Variants in MYOM2 observed in about 807,000 individuals in gnomAD.
MYOM2 encodes the protein myomesin-2.
In MYOM2, 254 loss-of-function variants were observed where a neutral mutation model predicts 187.6. The observed-to-expected ratio is 1.35, with a 90% CI of 1.22 to 1.50. The LOEUF is 1.50. MYOM2 is among the 40% of genes most tolerant of loss of function. The probability of loss-of-function intolerance (pLI) is 0.00; values close to 1 mark genes in which losing one functional copy is unlikely to be tolerated. For missense variants in MYOM2, 2,796 were observed against 1,924.0 expected, an observed-to-expected ratio of 1.45 and a Z score of -8.48; for synonymous variants, 981 against 753.8, an observed-to-expected ratio of 1.30 and a Z score of -4.94.
intron 6 of MYOM2, among the ~76,000 whole-genome samples, chr8:2,067,890 C>G (rs1819069569): frequency 6.6e-6 from 1 of 152,100 alleles, no homozygotes. Context: ...GATGTAGCCT[C>G]TTATTAGCAT....
rs535600512 is a variant in MYOM2 at position 2,057,355 on chromosome 8, T to A, written c.271T>A (p.Ser91Thr). The change falls in exon 4 of 37, where the codon TCC becomes ACC. Residue 91 changes from serine to threonine, a missense_variant. Transcript: ENST00000262113. ...GCTTCTCGGCTCCTGCAGGTACCAGTCCCTGGTGGCCGCCTATGGTGAGGC... is the reference window on the plus strand; with the variant it reads ...GCTTCTCGGCTCCTGCAGGTACCAGACCCTGGTGGCCGCCTATGGTGAGGC... ...EEQENRSRYQSLVAAYGEAKR... is the reference protein window; with the variant it reads ...EEQENRSRYQTLVAAYGEAKR... The A allele has an allele frequency of 1.5e-4, 246 of 1,606,796 alleles. 2 individuals carry two copies. In the South Asian group the frequency reaches 2.5e-3, roughly 16 times the overall value.
In MYOM2 at chr8:2,102,722, C is replaced by G. The variant is rs1563057106; in HGVS notation, c.2675C>G (p.Ala892Gly). 6.2e-6 allele frequency: 10 copies of G among 1,614,086 alleles called. No homozygotes were observed. The highest frequency in any genetic ancestry group is 8.5e-6 in the Non-Finnish European group (10 of 1,179,924). The stretch of plus-strand genomic sequence containing the variant: ...GTCTTCAGGGTCCGGGCAGTCAATG[C>G]AAATGGCGTGGGGAAGCCCTCAGAC... ...TYVFRVRAVN[A>G]NGVGKPSDTS... The change falls in exon 21 of 37, where the codon GCA becomes GGA. Residue 892 changes from alanine to glycine, a missense_variant. Physicochemically the swap from Ala to Gly is moderately conservative, Grantham distance 60. Transcript: ENST00000262113.
chr8:2,115,683 T>C (rs1330003851), intron 25 of MYOM2, among the ~76,000 whole-genome samples: 1 of 152,234 alleles, frequency 6.6e-6, no homozygotes, highest in Non-Finnish European at 1.5e-5. Flanking sequence ...TTCACGTTAG[T>C]AACTCATTCT....
chr8:2,072,329 C>T lies in MYOM2; in HGVS notation c.794-16C>T. The T allele has an allele frequency of 6.2e-7, 1 of 1,609,648 alleles. No homozygotes were observed. The highest frequency in any genetic ancestry group is 8.5e-7 in the Non-Finnish European group (1 of 1,179,104). On this transcript the variant is annotated splice_polypyrimidine_tract_variant and intron_variant, in intron 8 of 36. Coordinates refer to ENST00000262113, the MANE Select transcript of MYOM2 (RefSeq NM_003970.4). ...TCTGCCCTTCGGCCCTGAAAGCCTCCATCGTTTCTGTGCAGTGCCCCTGTC... is the reference window on the plus strand; with the variant it reads ...TCTGCCCTTCGGCCCTGAAAGCCTCTATCGTTTCTGTGCAGTGCCCCTGTC...
chr8:2,102,464 C>T (rs372992801), intron 20 of MYOM2, among the ~76,000 whole-genome samples: 4 of 152,180 alleles, frequency 2.6e-5, no homozygotes, highest in African/African-American at 4.8e-5. Context: ...AGATTGGGAG[C>T]GAATGCGTTT....
chr8:2,059,254 G>C lies in MYOM2; in HGVS notation c.653+9G>C, dbSNP rs574261344. 87 of 1,612,710 alleles carry C rather than the reference G, an allele frequency of 5.4e-5. No individual in the cohort carries two copies. In the South Asian group the frequency reaches 9.3e-4, roughly 17 times the overall value. ...ACACTGGAGATCAACAGGTATGGCT[G>C]TGGTGGGGGCTCTGGACGCTGGCGT... On this transcript the variant is annotated intron_variant, in intron 6 of 36. Coordinates refer to ENST00000262113, the MANE Select transcript of MYOM2 (RefSeq NM_003970.4).
At chr8:2,143,054 C>T (rs1798331871) in intron 35 of MYOM2, among the ~76,000 whole-genome samples, 1 of 152,044 alleles carries the variant, frequency 6.6e-6, no homozygotes, top group Admixed American at 6.5e-5. Context: ...CTGCGCCTGG[C>T]CAGGACCCCG....
chr8:2,052,785 C>T (rs1025658639), intron 3 of MYOM2, among the ~76,000 whole-genome samples: 2 of 152,216 alleles, frequency 1.3e-5, no homozygotes, highest in Admixed American at 1.3e-4. Context: ...TGGAGGGGTG[C>T]ACATTCAAGC....
At chr8:2,087,790 T>A (rs1361464979) in intron 14 of MYOM2, among the ~76,000 whole-genome samples, 3 of 152,136 alleles carry the variant, frequency 2.0e-5, no homozygotes, top group Non-Finnish European at 4.4e-5. Flanking sequence ...AGCTGATTTT[T>A]AAATTTTTTT....
chr8:2,129,730 C>T (rs1797786209), intron 32 of MYOM2, among the ~76,000 whole-genome samples: 1 of 152,218 alleles, frequency 6.6e-6, no homozygotes, highest in Non-Finnish European at 1.5e-5. Flanking sequence ...GTACGGATCA[C>T]TGAGAAAACT....
chr8:2,072,738 C>G (rs1263998403), intron 9 of MYOM2, among the ~76,000 whole-genome samples: 3 of 152,226 alleles, frequency 2.0e-5, no homozygotes, highest in Non-Finnish European at 2.9e-5. Flanking sequence ...CACTTAGAGA[C>G]TGAGCGCTCG....
intron 32 of MYOM2, among the ~76,000 whole-genome samples, chr8:2,134,005 C>CATCTTATGTA (rs1797967609): frequency 5.4e-4 from 81 of 150,392 alleles, no homozygotes; most frequent in East Asian, 1.6e-3. Context: ...CTGAGGTTAA[C>CATCTTATGTA]GCCTTGTGTA....
Position 2,090,040 on chromosome 8 carries a change from C to T in MYOM2, c.1677C>T (p.Val559=). The change falls in exon 15 of 37, where the codon GTC becomes GTT. Residue 559 remains valine (V), a synonymous_variant. Coordinates refer to ENST00000262113, the MANE Select transcript of MYOM2 (RefSeq NM_003970.4). The stretch of plus-strand genomic sequence containing the variant: ...TGGGGAGCGGCAGCTGGCAGAGAGT[C>T]AACGCCCAGACGGCTGTGAGATCCC... ...SVVGSGSWQR[V]NAQTAVRSPR... The T allele has an allele frequency of 1.2e-6, 2 of 1,613,982 alleles. No individual in the cohort carries two copies. The highest frequency in any genetic ancestry group is 1.7e-6 in the Non-Finnish European group (2 of 1,179,942).
intron 32 of MYOM2, among the ~76,000 whole-genome samples, chr8:2,131,890 A>G (rs1057184445): frequency 1.3e-5 from 2 of 151,980 alleles, no homozygotes; most frequent in African/African-American, 4.8e-5. Context: ...TGATCCACCC[A>G]CCTGGGCCTC....
chr8:2,098,904 C>T lies in MYOM2; in HGVS notation c.2361C>T (p.Ala787=), dbSNP rs925102903. The T allele has an allele frequency of 1.1e-4, 172 of 1,613,132 alleles. 1 individual carries two copies. The highest frequency in any genetic ancestry group is 3.0e-4 in the Admixed American group (18 of 59,906). Residue 787 remains alanine, a synonymous_variant, in exon 19 of 37, where the codon GCC becomes GCT. Transcript: ENST00000262113. Reference sequence around the variant, plus strand: ...CACTCTACGAGTTCAAAATCGCCGCCGTCAACCTGGCCGGCATCGGGGAGC... The same window carrying T: ...CACTCTACGAGTTCAAAATCGCCGCTGTCAACCTGGCCGGCATCGGGGAGC... ...EGSLYEFKIA[A]VNLAGIGEPS...
intron 6 of MYOM2, among the ~76,000 whole-genome samples, chr8:2,062,544 G>T (rs1245334146): frequency 6.6e-6 from 1 of 152,198 alleles, no homozygotes; most frequent in Non-Finnish European, 1.5e-5. Context: ...GGGTAGGCCT[G>T]GGTTGGGCAG....
chr8:2,127,247 G>A (rs985834069), intron 31 of MYOM2, among the ~76,000 whole-genome samples: 1 of 152,114 alleles, frequency 6.6e-6, no homozygotes, highest in Non-Finnish European at 1.5e-5. Context: ...TCTCCGAGTA[G>A]AGGAAACAGA....
chr8:2,140,720 A>G lies in MYOM2; in HGVS notation c.3801-3A>G, dbSNP rs368375578. The G allele has an allele frequency of 6.2e-7, 1 of 1,613,236 alleles. No individual in the cohort carries two copies. Among genetic ancestry groups the G allele is most frequent in the African/African-American group, 1.3e-5 (1 of 74,910 alleles). ...CAGATACGTTCCTGTTGCTCTTTTC[A>G]AGAGATGCTAAGATCTCATCCAGTG... On this transcript the variant is annotated splice_region_variant and splice_polypyrimidine_tract_variant and intron_variant, in intron 32 of 36. Transcript: ENST00000262113.
intron 21 of MYOM2, among the ~76,000 whole-genome samples, chr8:2,103,129 TGGG>T (rs1796768842): frequency 2.0e-5 from 3 of 149,428 alleles, no homozygotes; most frequent in Non-Finnish European, 4.4e-5. Flanking sequence ...TATGGGTGGG[TGGG>T]TGTGTGTGTA....
Sources: allele counts gnomAD v4.1 joint callset (sites outside exome capture counted in the v4.1 genomes callset), GRCh38; gene constraint gnomAD v4.1.1; transcripts MANE v1.5; gene names NCBI Gene and HGNC (gene_info 2026-07-23, HGNC 2026-07-21).